Variants in IGSF9B observed in about 807,000 individuals in gnomAD.
IGSF9B encodes immunoglobulin superfamily member 9B, also known as protein turtle homolog B.
A neutral mutation model predicts 143.7 loss-of-function variants in IGSF9B; 48 were observed. That is an observed-to-expected ratio of 0.33 (90% CI 0.26 to 0.42). The LOEUF is 0.42. Ranked by LOEUF, IGSF9B falls within the 20% of genes least tolerant of loss-of-function variation. IGSF9B has a pLI of 1.00. For synonymous variants in IGSF9B, 903 were observed against 833.1 expected (o/e 1.08, Z -1.44); for missense variants, 1,706 against 1,980.0 (o/e 0.86, Z 2.63).
intron 18 of IGSF9B, among the ~76,000 whole-genome samples, chr11:133,914,469 C>A (rs1431503389): frequency 6.6e-6 from 1 of 152,172 alleles, no homozygotes; most frequent in Non-Finnish European, 1.5e-5. Context: ...TGGAACAGCC[C>A]CGGTGAGACA....
chr11:133,910,513 C>A lies in IGSF9B; in HGVS notation c.4106-1236G>T, dbSNP rs187827547. On this transcript the variant is annotated intron_variant, in intron 19 of 19. Transcript: ENST00000533871. Reference sequence around the variant, plus strand: ...AGGGAAGAATCTGGGAATTAAGGGGCCTGACACCCCAGTGGGTACCAGTGC... The same window carrying A: ...AGGGAAGAATCTGGGAATTAAGGGGACTGACACCCCAGTGGGTACCAGTGC... Among the ~76,000 whole-genome samples, 41 of 152,262 alleles carry A rather than the reference C, an allele frequency of 2.7e-4. No homozygotes were observed. In the East Asian group the frequency reaches 7.5e-3, roughly 28 times the overall value.
intron 1 of IGSF9B, among the ~76,000 whole-genome samples, chr11:133,954,319 T>C (rs1940212935): frequency 6.6e-6 from 1 of 152,098 alleles, no homozygotes; most frequent in African/African-American, 2.4e-5. Flanking sequence ...CGAGCAGCTT[T>C]GAGGCCCGCA....
In IGSF9B at chr11:133,928,172, C is replaced by T. The variant is rs1939662910; in HGVS notation, c.1632-1081G>A. Among the ~76,000 whole-genome samples, 1 of 152,126 alleles carries T rather than the reference C, an allele frequency of 6.6e-6. No individual in the cohort carries two copies. The highest frequency in any genetic ancestry group is 2.4e-5 in the African/African-American group (1 of 41,434). ...GCCCCCCATCGTATGCCCAGACCTC[C>T]CACCCAGGCATCTCCAAAGACAGCT... On this transcript the variant is annotated intron_variant, in intron 12 of 19. Coordinates refer to ENST00000533871, the MANE Select transcript of IGSF9B (RefSeq NM_001277285.4). The surrounding 1 kb of genome is among the most constrained non-coding windows in gnomAD (Gnocchi z 4.7).
rs971364594 is a variant in IGSF9B at position 133,902,195 on chromosome 11, A to G, written c.*6874T>C. Among the ~76,000 whole-genome samples the G allele has an allele frequency of 7.0e-6, 1 of 143,618 alleles. No individual in the cohort carries two copies. The highest frequency in any genetic ancestry group is 6.9e-5 in the Admixed American group (1 of 14,508). 94.2% of individuals were successfully genotyped at this position (143,618 alleles called of 152,430 possible). A position where few individuals can be genotyped will look rare whatever the true frequency, so the allele number is the denominator to read the frequency against. ...AACACACACACACCAAACACACCAG[A>G]CACACCACAAGCATACACCACACGC... is the stretch of plus-strand genomic sequence containing the variant. On this transcript the variant is annotated 3_prime_UTR_variant, in exon 20 of 20. Transcript: ENST00000533871.
chr11:133,922,690 C>CG lies in IGSF9B; in HGVS notation c.2159dup (p.Arg721AlafsTer35). ...CTACGATTCCCGCCAGCACAGGCCGCGCCAGCCCATCCTCGGTCAGGTCCG... is the reference window on the plus strand; with the variant it reads ...CTACGATTCCCGCCAGCACAGGCCGCGGCCAGCCCATCCTCGGTCAGGTCCG... On this transcript the variant is annotated frameshift_variant, in exon 16 of 20. Transcript: ENST00000533871. LOFTEE classifies it high-confidence loss of function. 6.3e-7 allele frequency: 1 copy of CG among 1,587,478 alleles called. No individual in the cohort carries two copies. The highest frequency in any genetic ancestry group is 1.2e-5 in the South Asian group (1 of 86,946).
At chr11:133,935,460 C>G (rs530899620) in intron 7 of IGSF9B, among the ~76,000 whole-genome samples, 157 bp downstream of exon 7, 6 of 152,346 alleles carry the variant, frequency 3.9e-5, no homozygotes, top group South Asian at 4.1e-4. Flanking sequence ...GGGCCTCGGC[C>G]TCCTCTCCAG....
At position 133,945,454 on chromosome 11, in the gene IGSF9B, A is replaced by G. The variant is rs984842189; in HGVS notation, c.262+607T>C. Among the ~76,000 whole-genome samples, 1 of 152,146 alleles carries G rather than the reference A, an allele frequency of 6.6e-6. No homozygotes were observed. Among genetic ancestry groups the G allele is most frequent in the Admixed American group, 6.5e-5 (1 of 15,274 alleles). The stretch of plus-strand genomic sequence containing the variant: ...CTTTCAACCCCAACAACGCTCGCTC[A>G]ATGACACGCACACGCACGCACACAC... On this transcript the variant is annotated intron_variant, in intron 2 of 19. Transcript: ENST00000533871. This position sits in a 1 kb window ranked among gnomAD's most constrained non-coding sequence, Gnocchi z 4.6.
chr11:133,931,718 G>A lies in IGSF9B; in HGVS notation c.1188C>T (p.Thr396=), dbSNP rs1939733949. The A allele has an allele frequency of 1.9e-6, 3 of 1,612,156 alleles. No individual in the cohort carries two copies. Among genetic ancestry groups the A allele is most frequent in the Non-Finnish European group, 2.5e-6 (3 of 1,179,314 alleles). ...TCCCCAGAGTGTTGTAAGGCACACAGGTATAAGTGCCAAGAGCCTCCTCTG... is the reference window on the plus strand; with the variant it reads ...TCCCCAGAGTGTTGTAAGGCACACAAGTATAAGTGCCAAGAGCCTCCTCTG... The part of the protein sequence containing the change: ...EATEEALGTY[T]CVPYNTLGTM... Residue 396 remains threonine, a synonymous_variant, in exon 9 of 20, where the codon ACC becomes ACT. Coordinates refer to ENST00000533871, the MANE Select transcript of IGSF9B (RefSeq NM_001277285.4). This position sits in a 1 kb window ranked among gnomAD's most constrained non-coding sequence, Gnocchi z 7.7.
rs565194124 is a variant in IGSF9B at position 133,907,661 on chromosome 11, G to A, written c.*1408C>T. ...ATCTCAGGAAGCTTCTGGATGCTAC[G>A]AGTTTGAACCAGGACCAGACTTTGG... is the stretch of plus-strand genomic sequence containing the variant. On this transcript the variant is annotated 3_prime_UTR_variant, in exon 20 of 20. Transcript: ENST00000533871. 5.3e-5 allele frequency among the ~76,000 whole-genome samples: 8 copies of A among 152,326 alleles called. No homozygotes were observed. The highest frequency in any genetic ancestry group is 3.4e-3 in the Middle Eastern group (1 of 294).
At chr11:133,915,070 G>A (rs1591708401) in intron 18 of IGSF9B, among the ~76,000 whole-genome samples, 3 of 152,046 alleles carry the variant, frequency 2.0e-5, no homozygotes, top group Non-Finnish European at 4.4e-5. Context: ...GGCTCTCCAA[G>A]AATTTAAGGT....
At position 133,902,969 on chromosome 11, in the gene IGSF9B, G is replaced by A. The variant is rs113391736; in HGVS notation, c.*6100C>T. Reference sequence around the variant, plus strand: ...ATGAAAACCCCACACGTGCATGCCCGCAGCATTTCTAAGGCCGAAAATGCA... The same window carrying A: ...ATGAAAACCCCACACGTGCATGCCCACAGCATTTCTAAGGCCGAAAATGCA... On this transcript the variant is annotated 3_prime_UTR_variant, in exon 20 of 20. Transcript: ENST00000533871. 9.9e-3 allele frequency among the ~76,000 whole-genome samples: 1,509 copies of A among 152,100 alleles called. 17 individuals are homozygous for A. Among genetic ancestry groups the A allele is most frequent in the African/African-American group, 0.029 (1,220 of 41,486 alleles).
At chr11:133,951,417 C>T (rs1393565739) in intron 1 of IGSF9B, among the ~76,000 whole-genome samples, 1 of 152,236 alleles carries the variant, frequency 6.6e-6, no homozygotes, top group Non-Finnish European at 1.5e-5. Flanking sequence ...GAGCCCCAGC[C>T]GCTCCTTAAG....
Position 133,945,311 on chromosome 11 carries a change from T to C in IGSF9B, c.262+750A>G, listed in dbSNP as rs1940025737. Among the ~76,000 whole-genome samples the C allele has an allele frequency of 6.6e-6, 1 of 152,064 alleles. No homozygotes were observed. The highest frequency in any genetic ancestry group is 1.9e-4 in the East Asian group (1 of 5,178). Reference sequence around the variant, plus strand: ...CTGGCCAAAAAGAGAGCATGAGACATGGGCACAGGAGCGAAAGAGGGACAG... The same window carrying C: ...CTGGCCAAAAAGAGAGCATGAGACACGGGCACAGGAGCGAAAGAGGGACAG... On this transcript the variant is annotated intron_variant, in intron 2 of 19. Coordinates refer to ENST00000533871, the MANE Select transcript of IGSF9B (RefSeq NM_001277285.4). The surrounding 1 kb of genome is among the most constrained non-coding windows in gnomAD (Gnocchi z 4.6).
Position 133,937,367 on chromosome 11 carries a change from G to T in IGSF9B, c.679+9C>A, listed in dbSNP as rs745565093. The T allele has an allele frequency of 3.8e-6, 6 of 1,596,344 alleles. No individual in the cohort carries two copies. In the South Asian group the frequency reaches 6.7e-5, roughly 18 times the overall value. ...CCAGGGTTAAAGAGGCTGAGGAAAT[G>T]GCTCCTACCTTGGACAAGCAGGTGA... On this transcript the variant is annotated intron_variant, in intron 5 of 19. Coordinates refer to ENST00000533871, the MANE Select transcript of IGSF9B (RefSeq NM_001277285.4).
At chr11:133,946,685 G>A (rs569467730) in intron 1 of IGSF9B, among the ~76,000 whole-genome samples, 190 of 152,278 alleles carry the variant, frequency 1.2e-3, no homozygotes, top group Middle Eastern at 6.8e-3. Flanking sequence ...AGTTGTGGCC[G>A]CTCGTGCACA....
At position 133,931,153 on chromosome 11, in the gene IGSF9B, G is replaced by T. The variant is rs1293471257; in HGVS notation, c.1369-19C>A. 6.2e-7 allele frequency: 1 copy of T among 1,605,472 alleles called. No homozygotes were observed. Among genetic ancestry groups the T allele is most frequent in the Non-Finnish European group, 8.5e-7 (1 of 1,174,712 alleles). On this transcript the variant is annotated intron_variant, in intron 10 of 19. Coordinates refer to ENST00000533871, the MANE Select transcript of IGSF9B (RefSeq NM_001277285.4). The surrounding 1 kb of genome is among the most constrained non-coding windows in gnomAD (Gnocchi z 7.7). Reference sequence around the variant, plus strand: ...TCCCTACCTTGGTGAACAAGGGGCAGGGAAGAGGGTGGGAACAGAAATGGG... The same window carrying T: ...TCCCTACCTTGGTGAACAAGGGGCATGGAAGAGGGTGGGAACAGAAATGGG...
chr11:133,940,010 C>T (rs552382851), intron 3 of IGSF9B, among the ~76,000 whole-genome samples: 152 of 148,758 alleles, frequency 1.0e-3, no homozygotes, highest in Admixed American at 3.8e-3. Context: ...CGTCATCGCA[C>T]GCGTCATCAC....
chr11:133,905,584 C>T lies in IGSF9B; in HGVS notation c.*3485G>A, dbSNP rs903526254. Among the ~76,000 whole-genome samples, 5 of 152,334 alleles carry T rather than the reference C, an allele frequency of 3.3e-5. No homozygotes were observed. The highest frequency in any genetic ancestry group is 1.9e-4 in the East Asian group (1 of 5,182). On this transcript the variant is annotated 3_prime_UTR_variant, in exon 20 of 20. Coordinates refer to ENST00000533871, the MANE Select transcript of IGSF9B (RefSeq NM_001277285.4). This position sits in a 1 kb window ranked among gnomAD's most constrained non-coding sequence, Gnocchi z 4.0. ...CAAGAAATACTCGGCTCAATCCACC[C>T]GGCTTCAGTCTTCCCCCAAGCGCAT...
chr11:133,902,458 A>ACACACGCACACCACACACACAC lies in IGSF9B; in HGVS notation c.*6610_*6611insGTGTGTGTGTGGTGTGCGTGTG, dbSNP rs1939151879. On this transcript the variant is annotated 3_prime_UTR_variant, in exon 20 of 20. Transcript: ENST00000533871. ...CACACACACCACCCAGACACACCAC[A>ACACACGCACACCACACACACAC]CACAGATACACACACCACACACAAC... is the stretch of plus-strand genomic sequence containing the variant. Among the ~76,000 whole-genome samples the ACACACGCACACCACACACACAC allele has an allele frequency of 2.1e-5, 3 of 143,552 alleles. No individual in the cohort carries two copies. The highest frequency in any genetic ancestry group is 4.6e-5 in the Non-Finnish European group (3 of 65,266). The allele number at this position is 143,552 out of a possible 152,430, so 94.2% of individuals were successfully genotyped here. A position where few individuals can be genotyped will look rare whatever the true frequency, so the allele number is the denominator to read the frequency against.
Sources: allele counts gnomAD v4.1 joint callset (sites outside exome capture counted in the v4.1 genomes callset), GRCh38; gene constraint gnomAD v4.1.1; non-coding constraint Gnocchi (gnomAD v3.1); transcripts MANE v1.5; gene names NCBI Gene and HGNC (gene_info 2026-07-23, HGNC 2026-07-21).